NPHP3: variants seen among roughly 807,000 people sequenced by gnomAD.
NPHP3 encodes the protein nephrocystin-3.
A neutral mutation model predicts 171.9 loss-of-function variants in NPHP3; 123 were observed. The observed-to-expected ratio is 0.72, with a 90% CI of 0.62 to 0.83. The LOEUF (loss-of-function observed/expected upper bound fraction) is 0.83. NPHP3 is among the 40% of genes least tolerant of loss of function. The pLI, the probability that NPHP3 is intolerant of heterozygous loss-of-function variation, is 0.00. For missense variants in NPHP3, 1,506 were observed against 1,591.9 expected (o/e 0.95, Z 0.92); for synonymous variants, 558 against 579.2 (o/e 0.96, Z 0.52).
At chr3:132,688,260 C>T (rs1939210679) in intron 21 of NPHP3, among the ~76,000 whole-genome samples, 1 of 152,190 alleles carries the variant, frequency 6.6e-6, no homozygotes, top group South Asian at 2.1e-4. Flanking sequence ...AAATACATTT[C>T]ATGTTTAGAC....
At chr3:132,683,596 A>T in intron 24 of NPHP3, 72 bp from the exon 25 acceptor site, 1 of 1,275,508 alleles carries the variant, frequency 7.8e-7, no homozygotes, top group South Asian at 1.3e-5. Flanking sequence ...TTTTTCCATA[A>T]GTAAAATTTC....
intron 13 of NPHP3, 137 bp downstream of exon 13, chr3:132,699,216 A>C: frequency 1.5e-6 from 1 of 650,320 alleles, no homozygotes; most frequent in South Asian, 1.8e-5. Flanking sequence ...TTTTTTTCAT[A>C]AATTCACCCA....
chr3:132,722,028 A>G lies in NPHP3; in HGVS notation c.328T>C (p.Leu110=). Reference sequence around the variant, plus strand: ...TTGGCCTCGCGGCGGCCCATGGACAACAACTCCTGGTTCTTGCTGACGCGA... The same window carrying G: ...TTGGCCTCGCGGCGGCCCATGGACAGCAACTCCTGGTTCTTGCTGACGCGA... The part of the protein sequence containing the change: ...IFRVSKNQEL[L]SMGRREAKLD... The change falls in exon 1 of 27, where the codon TTG becomes CTG. Residue 110 remains leucine, a synonymous_variant. Transcript: ENST00000337331. 1.9e-6 allele frequency: 3 copies of G among 1,613,236 alleles called. No homozygotes were observed. The highest frequency in any genetic ancestry group is 2.5e-6 in the Non-Finnish European group (3 of 1,179,898).
In NPHP3 at chr3:132,681,258, CT is replaced by C. The variant is rs886058000; in HGVS notation, c.*651del. The C allele has an allele frequency of 0.089, 9,437 of 105,728 alleles. 318 individuals carry two copies. The highest frequency in any genetic ancestry group is 0.42 in the East Asian group (1,140 of 2,728). The allele number at this position is 105,728 out of a possible 1,614,324, so 6.5% of individuals were successfully genotyped here. A position where few individuals can be genotyped will look rare whatever the true frequency, so the allele number is the denominator to read the frequency against. ...GAGAGCTCAAAAGAATCATGGAATT[CT>C]TTTTTTTTTTTTTTTTTTTTTTGAG... On this transcript the variant is annotated 3_prime_UTR_variant, in exon 27 of 27. Transcript: ENST00000337331.
chr3:132,718,089 TC>T (rs1280029975), intron 3 of NPHP3: 3 of 453,972 alleles, frequency 6.6e-6, no homozygotes, highest in African/African-American at 2.0e-5. Context: ...CAATAAAAAT[TC>T]CAGGATGTTG....
At chr3:132,713,094 CT>C (rs767444265) in intron 6 of NPHP3, 31 bp downstream of exon 6, 256 of 1,227,106 alleles carry the variant, frequency 2.1e-4, no homozygotes, top group Non-Finnish European at 2.4e-4. Context: ...CAGTTTACTG[CT>C]TATAATAAAT....
chr3:132,719,060 C>A lies in NPHP3; in HGVS notation c.604G>T (p.Ala202Ser). ...ELESKLQRLQAQGIQVFDPGE... is the reference protein window; with the variant it reads ...ELESKLQRLQSQGIQVFDPGE... ...GGATCAAATACTTGGATACCCTGAG[C>A]CTGTAGCCTCTGAAGTTTGCTCTCC... Residue 202 changes from alanine (A) to serine (S), a missense_variant, in exon 3 of 27, where the codon GCT (alanine) becomes TCT (serine). Ala to Ser is a moderately conservative substitution (Grantham distance 99, BLOSUM62 1). This residue lies in a region of NPHP3 where 930 missense variants were observed against 924.9 expected (regional missense o/e 1.01). Coordinates refer to ENST00000337331, the MANE Select transcript of NPHP3 (RefSeq NM_153240.5). 6.2e-7 allele frequency: 1 copy of A among 1,614,056 alleles called. No individual in the cohort carries two copies.
chr3:132,712,507 C>T (rs1359881082), intron 6 of NPHP3: 1 of 455,974 alleles, frequency 2.2e-6, no homozygotes, highest in Non-Finnish European at 4.4e-6. Flanking sequence ...TGGCCTACGC[C>T]TGTAATCCCA....
chr3:132,700,561 G>T, intron 10 of NPHP3, 113 bp from the exon 11 acceptor site: 1 of 597,576 alleles, frequency 1.7e-6, no homozygotes, highest in Non-Finnish European at 2.9e-6. Context: ...GCAATCAGGT[G>T]GTCAGTTACT....
chr3:132,684,338 A>T lies in NPHP3; in HGVS notation c.3570+216T>A, dbSNP rs1939102794. ...AACAAACCCAGCATATTAATTTACT[A>T]GTATATTATTTCAGAATCAAGAATC... On this transcript the variant is annotated intron_variant, in intron 24 of 26. Coordinates refer to ENST00000337331, the MANE Select transcript of NPHP3 (RefSeq NM_153240.5). 3.3e-5 allele frequency among the ~76,000 whole-genome samples: 5 copies of T among 152,216 alleles called. No individual in the cohort carries two copies. In the South Asian group the frequency reaches 1.0e-3, roughly 31 times the overall value.
rs764972586 is a variant in NPHP3 at position 132,692,757 on chromosome 3, T to C, written c.2372A>G (p.Tyr791Cys). 1 of 1,613,930 alleles carries C rather than the reference T, an allele frequency of 6.2e-7. No homozygotes were observed. Among genetic ancestry groups the C allele is most frequent in the South Asian group, 1.1e-5 (1 of 91,080 alleles). Reference sequence around the variant, plus strand: ...CAAGAAAGTCCAGGACATCTCAGGATAGAGTTCCATCAGTTCTGATTCACT... The same window carrying C: ...CAAGAAAGTCCAGGACATCTCAGGACAGAGTTCCATCAGTTCTGATTCACT... Reference protein sequence around the residue: ...GVSESELMELYPEMSWTFLTS... With the variant: ...GVSESELMELCPEMSWTFLTS... The change falls in exon 17 of 27, where the codon TAT (tyrosine) becomes TGT (cysteine). Residue 791 changes from tyrosine (Y) to cysteine (C), a missense_variant. Transcript: ENST00000337331.
intron 2 of NPHP3, among the ~76,000 whole-genome samples, 197 bp from the exon 3 acceptor site, chr3:132,719,341 G>A (rs901924956): frequency 3.3e-5 from 5 of 152,114 alleles, no homozygotes; most frequent in Non-Finnish European, 7.4e-5. Context: ...AGCAGGATGC[G>A]TGTCTGTGGT....
In NPHP3 at chr3:132,687,238, A is replaced by T; in HGVS notation, c.3126-12T>A. ...CAGCTTGTTCATATCTTAAAAAAAA[A>T]TTACAGTAAGTCAAACAAAAGAAAC... On this transcript the variant is annotated splice_polypyrimidine_tract_variant and intron_variant, in intron 21 of 26. Transcript: ENST00000337331. 8.9e-7 allele frequency: 1 copy of T among 1,126,832 alleles called. No individual in the cohort carries two copies. The allele number at this position is 1,126,832 out of a possible 1,614,324, so 69.8% of individuals were successfully genotyped here. A position where few individuals can be genotyped will look rare whatever the true frequency, so the allele number is the denominator to read the frequency against.
At position 132,690,646 on chromosome 3, in the gene NPHP3, CCTGA is replaced by C; in HGVS notation, c.2571_2574del (p.Ser857ArgfsTer4). 6.2e-7 allele frequency: 1 copy of C among 1,613,764 alleles called. No homozygotes were observed. The highest frequency in any genetic ancestry group is 8.5e-7 in the Non-Finnish European group (1 of 1,179,776). On this transcript the variant is annotated frameshift_variant and splice_region_variant, in exon 19 of 27. Coordinates refer to ENST00000337331, the MANE Select transcript of NPHP3 (RefSeq NM_153240.5). LOFTEE classifies it high-confidence loss of function. ...TCTGCACTTCTCCAAGTCACTCTGTCCTGACTATCAAAAGAGAGGAGACAATATT... is the reference window on the plus strand; with the variant it reads ...TCTGCACTTCTCCAAGTCACTCTGTCCTATCAAAAGAGAGGAGACAATATT...
rs745921209 is a variant in NPHP3, at chr3:132,708,214, C to T, written c.1162G>A (p.Glu388Lys). The T allele has an allele frequency of 6.2e-7, 1 of 1,614,164 alleles. No homozygotes were observed. The highest frequency in any genetic ancestry group is 2.2e-5 in the East Asian group (1 of 44,880). The change falls in exon 7 of 27, where the codon GAA becomes AAA. Residue 388 changes from glutamate to lysine, a missense_variant. Glu to Lys is a moderately conservative substitution (Grantham distance 56). Coordinates refer to ENST00000337331, the MANE Select transcript of NPHP3 (RefSeq NM_153240.5). ...TGAAAGATTAATCGAGGTTTTCCTT[C>T]AGGGTTTTTCAGAAAAGCTTCTTCA... ...DCEEAFLKNPEGKPRLIFHRL... is the reference protein window; with the variant it reads ...DCEEAFLKNPKGKPRLIFHRL...
chr3:132,721,938 G>A (rs1423390691), intron 1 of NPHP3, 25 bp downstream of exon 1: 2 of 1,610,060 alleles, frequency 1.2e-6, no homozygotes, highest in Non-Finnish European at 1.7e-6. Flanking sequence ...GGGTCTCCCG[G>A]CGTCGCGGCC....
chr3:132,687,372 G>C, intron 21 of NPHP3, 146 bp from the exon 22 acceptor site: 1 of 564,124 alleles, frequency 1.8e-6, no homozygotes, highest in Non-Finnish European at 3.2e-6. Context: ...ATGACATTAA[G>C]AATCTCTAAA....
At position 132,696,735 on chromosome 3, in the gene NPHP3, C is replaced by T. The variant is rs770302939; in HGVS notation, c.2167G>A (p.Ala723Thr). Residue 723 changes from alanine to threonine, a missense_variant, in exon 15 of 27, where the codon GCG (alanine) becomes ACG (threonine). Ala to Thr is a moderately conservative substitution (Grantham distance 58, BLOSUM62 0). Around this residue, in one of 3 missense-constraint regions of NPHP3, gnomAD observed 930 missense variants for 924.9 expected, o/e 1.01. Coordinates refer to ENST00000337331, the MANE Select transcript of NPHP3 (RefSeq NM_153240.5). ...TGTAAAATAATCACCACTCACCGCG[C>T]GATCATTTTGCCGAAAAGGGTGACA... is the stretch of plus-strand genomic sequence containing the variant. ...LYVTLFGKMI[A>T]RAGRAGNLDK... 7.4e-5 allele frequency: 120 copies of T among 1,613,670 alleles called. 1 individual carries two copies. The highest frequency in any genetic ancestry group is 4.1e-4 in the South Asian group (37 of 91,066).
chr3:132,686,888 C>CT (rs1167973034), intron 22 of NPHP3, among the ~76,000 whole-genome samples: 1 of 152,104 alleles, frequency 6.6e-6, no homozygotes, highest in East Asian at 1.9e-4. Flanking sequence ...TTTTCCAACC[C>CT]TTTAAAGAAC....
Sources: gnomAD v4.1 joint callset for allele counts (sites outside exome capture counted in the v4.1 genomes callset) on GRCh38, gnomAD v4.1.1 for gene constraint, gnomAD v4.1.1 regional missense constraint, MANE v1.5 for transcripts, NCBI Gene and HGNC (gene_info 2026-07-23, HGNC 2026-07-21) for gene names.